FYB1: variants seen among roughly 807,000 people sequenced by gnomAD.
The protein encoded by FYB1 is FYN-binding protein 1.
In FYB1, 41 loss-of-function variants were observed where a neutral mutation model predicts 94.1. The ratio of observed to expected loss-of-function variants is 0.44; its 90% CI spans 0.34 to 0.57. The LOEUF (loss-of-function observed/expected upper bound fraction) is 0.57. FYB1 is among the 20% of genes least tolerant of loss of function. The pLI is 0.02. For missense variants in FYB1, 1,050 were observed against 976.8 expected, an observed-to-expected ratio of 1.07 and a Z score of -1.00; for synonymous variants, 367 against 353.2, an observed-to-expected ratio of 1.04 and a Z score of -0.44.
At chr5:39,230,447 G>C (rs1750670602) in intron 1 of FYB1, among the ~76,000 whole-genome samples, 1 of 152,212 alleles carries the variant, frequency 6.6e-6, no homozygotes, top group South Asian at 2.1e-4. Context: ...GCTCATTGCA[G>C]ACTTCTGACC....
intron 5 of FYB1, 145 bp downstream of exon 5, chr5:39,139,088 A>T: frequency 2.3e-6 from 2 of 878,312 alleles, no homozygotes; most frequent in Non-Finnish European, 3.3e-6. Context: ...TAAGCATTTT[A>T]GATGAAATAA....
intron 2 of FYB1, among the ~76,000 whole-genome samples, chr5:39,173,371 T>G (rs774025280): frequency 1.6e-4 from 25 of 152,176 alleles, no homozygotes; most frequent in Admixed American, 2.0e-4. Context: ...TTTCTGAACA[T>G]TTTCTCCCAT....
intron 9 of FYB1, among the ~76,000 whole-genome samples, chr5:39,131,988 G>A (rs548005803): frequency 4.6e-5 from 7 of 152,218 alleles, no homozygotes; most frequent in Non-Finnish European, 8.8e-5. Flanking sequence ...GAGAGAGAGA[G>A]ATACATGGAA....
intron 14 of FYB1, 141 bp from the exon 15 acceptor site, chr5:39,119,775 A>G (rs767483689): frequency 2.4e-4 from 256 of 1,061,922 alleles, no homozygotes; most frequent in Non-Finnish European, 3.1e-4. Flanking sequence ...AGTAACTGTC[A>G]TTGTAATAAA....
At chr5:39,108,336 G>C in intron 17 of FYB1, 74 bp from the exon 18 acceptor site, 2 of 1,268,410 alleles carry the variant, frequency 1.6e-6, no homozygotes, top group Non-Finnish European at 2.2e-6. Flanking sequence ...TAGAAGAATA[G>C]AGTAACAGTA....
At chr5:39,174,038 A>G (rs915020764) in intron 2 of FYB1, among the ~76,000 whole-genome samples, 1 of 152,198 alleles carries the variant, frequency 6.6e-6, no homozygotes, top group African/African-American at 2.4e-5. Flanking sequence ...TTGGGCAGGC[A>G]GTATGGCCAT....
In FYB1 at chr5:39,186,940, T is replaced by C. The variant is rs1433294955; in HGVS notation, c.1135+14886A>G. On this transcript the variant is annotated intron_variant, in intron 2 of 18. Coordinates refer to ENST00000512982, the MANE Select transcript of FYB1 (RefSeq NM_001465.6). ...GGCTAAAAGAGGCCGAGAACCCTCC[T>C]TGGGGTCCTACAGTAATTGGTACAG... Among the ~76,000 whole-genome samples the C allele has an allele frequency of 3.3e-5, 5 of 152,290 alleles. No individual in the cohort carries two copies. In the East Asian group the frequency reaches 7.7e-4, roughly 24 times the overall value.
chr5:39,152,254 A>C (rs904616279), intron 3 of FYB1, among the ~76,000 whole-genome samples: 1 of 152,218 alleles, frequency 6.6e-6, no homozygotes, highest in African/African-American at 2.4e-5. Flanking sequence ...TCTACTTACT[A>C]TCCTTAAACC....
At chr5:39,109,903 G>C (rs1324026357) in intron 17 of FYB1, among the ~76,000 whole-genome samples, 1 of 152,078 alleles carries the variant, frequency 6.6e-6, no homozygotes, top group Admixed American at 6.6e-5. Flanking sequence ...ACTATGCCTA[G>C]TGTGAGTGAA....
intron 10 of FYB1, among the ~76,000 whole-genome samples, chr5:39,128,351 A>G (rs569456917): frequency 5.3e-5 from 8 of 152,266 alleles, no homozygotes; most frequent in Non-Finnish European, 5.9e-5. Context: ...AATTTGACAG[A>G]TATTTACTTA....
chr5:39,260,825 C>A (rs1316072329), intron 1 of FYB1, among the ~76,000 whole-genome samples: 2 of 152,000 alleles, frequency 1.3e-5, no homozygotes, highest in Non-Finnish European at 2.9e-5. Context: ...ACCCTGAATG[C>A]GTGGGGATTA....
At chr5:39,268,520 G>T (rs1752531526) in intron 1 of FYB1, among the ~76,000 whole-genome samples, 1 of 151,744 alleles carries the variant, frequency 6.6e-6, no homozygotes, top group Admixed American at 6.6e-5. Context: ...GCATGAGCCT[G>T]ACCATTATCT....
Position 39,130,599 on chromosome 5 carries a change from C to T in FYB1, c.1831G>A (p.Gly611Arg), listed in dbSNP as rs1397043329. The T allele has an allele frequency of 6.4e-7, 1 of 1,574,734 alleles. No individual in the cohort carries two copies. The highest frequency in any genetic ancestry group is 8.6e-7 in the Non-Finnish European group (1 of 1,157,932). The change falls in exon 10 of 19, where the codon GGA (glycine) becomes AGA (arginine). Residue 611 changes from glycine to arginine, a missense_variant. Physicochemically the swap from Gly to Arg is moderately radical, Grantham distance 125. Coordinates refer to ENST00000512982, the MANE Select transcript of FYB1 (RefSeq NM_001465.6). ...QDDISSHSQS[G>R]SGGIFPPPPD... ...GAAGCGTGTGGCTTACCTCCACTTC[C>T]ACTCTGACTGTGGCTAGAAAAGAAA...
At position 39,141,729 on chromosome 5, in the gene FYB1, T is replaced by C. The variant is rs114530011; in HGVS notation, c.1293-588A>G. Among the ~76,000 whole-genome samples, 488 of 152,154 alleles carry C rather than the reference T, an allele frequency of 3.2e-3. 7 individuals carry two copies. Among genetic ancestry groups the C allele is most frequent in the African/African-American group, 0.011 (466 of 41,474 alleles). Reference sequence around the variant, plus strand: ...ACCGACCTAATACAAAAAATTAGCCTGGCATGGTAGTGCACGTCTGTAACC... The same window carrying C: ...ACCGACCTAATACAAAAAATTAGCCCGGCATGGTAGTGCACGTCTGTAACC... On this transcript the variant is annotated intron_variant, in intron 3 of 18. Coordinates refer to ENST00000512982, the MANE Select transcript of FYB1 (RefSeq NM_001465.6).
chr5:39,170,191 T>C (rs1265678634), intron 2 of FYB1: 1 of 804,334 alleles, frequency 1.2e-6, no homozygotes, highest in Non-Finnish European at 2.2e-6. Context: ...TGAACTTCTG[T>C]GAAGTTCAGT....
At chr5:39,168,224 T>C (rs1744918186) in intron 2 of FYB1, among the ~76,000 whole-genome samples, 1 of 152,236 alleles carries the variant, frequency 6.6e-6, no homozygotes, top group African/African-American at 2.4e-5. Flanking sequence ...ATATTTCTCT[T>C]GAGTTTAGCA....
chr5:39,224,005 C>T (rs1750372258), upstream of FYB1, among the ~76,000 whole-genome samples: 1 of 152,152 alleles, frequency 6.6e-6, no homozygotes, highest in Non-Finnish European at 1.5e-5. Flanking sequence ...CCTGTTCATG[C>T]CTATCACTTG....
intron 2 of FYB1, among the ~76,000 whole-genome samples, chr5:39,178,902 G>T (rs893627432): frequency 6.6e-6 from 1 of 152,138 alleles, no homozygotes; most frequent in Non-Finnish European, 1.5e-5. Context: ...GTATCATCTT[G>T]TCAAGCACAT....
At chr5:39,191,222 G>A (rs1579621727) in intron 2 of FYB1, among the ~76,000 whole-genome samples, 1 of 152,148 alleles carries the variant, frequency 6.6e-6, no homozygotes, top group Non-Finnish European at 1.5e-5. Flanking sequence ...AAAACCAGGG[G>A]AGCTGTTTTA....
Sources: allele counts gnomAD v4.1 joint callset (sites outside exome capture counted in the v4.1 genomes callset), GRCh38; gene constraint gnomAD v4.1.1; transcripts MANE v1.5; gene names NCBI Gene and HGNC (gene_info 2026-07-23, HGNC 2026-07-21).